Variants in PACSIN1 observed in about 807,000 individuals in gnomAD.
PACSIN1 encodes protein kinase C and casein kinase substrate in neurons protein 1.
A neutral mutation model predicts 59.5 loss-of-function variants in PACSIN1; 15 were observed. The observed-to-expected ratio is 0.25, with a 90% CI of 0.17 to 0.39. PACSIN1 has a LOEUF of 0.39. PACSIN1 is among the 10% of genes least tolerant of loss of function. The pLI, the probability that PACSIN1 is intolerant of heterozygous loss-of-function variation, is 1.00. For missense variants in PACSIN1, 420 were observed against 580.2 expected (o/e 0.72, Z 2.84); for synonymous variants, 210 against 220.6 (o/e 0.95, Z 0.42).
intron 1 of PACSIN1, among the ~76,000 whole-genome samples, chr6:34,511,563 CT>C (rs2127264005): frequency 6.6e-6 from 1 of 152,328 alleles, no homozygotes; most frequent in East Asian, 1.9e-4. Context: ...CTCCGGGTGC[CT>C]GCCAGGGCCA....
intron 1 of PACSIN1, among the ~76,000 whole-genome samples, chr6:34,498,561 G>A (rs1245940980): frequency 6.6e-6 from 1 of 152,040 alleles, no homozygotes; most frequent in Non-Finnish European, 1.5e-5. Context: ...ACTTTGGGAG[G>A]CCGAGGCAGG....
Position 34,526,239 on chromosome 6 carries a change from C to A in PACSIN1, c.-63-4C>A. On this transcript the variant is annotated splice_polypyrimidine_tract_variant and splice_region_variant and intron_variant, in intron 1 of 9. Transcript: ENST00000244458. ...CTCCAGGGATCTCTCTCCTGCCCTC[C>A]CAGTGCATGAGCAGCCGAGCCTGCT... 1 of 1,340,338 alleles carries A rather than the reference C, an allele frequency of 7.5e-7. No homozygotes were observed. Among genetic ancestry groups the A allele is most frequent in the Non-Finnish European group, 1.1e-6 (1 of 939,662 alleles). The allele number at this position is 1,340,338 out of a possible 1,614,324, so 83.0% of individuals were successfully genotyped here. A position where few individuals can be genotyped will look rare whatever the true frequency, so the allele number is the denominator to read the frequency against.
chr6:34,478,257 C>A (rs1343442514), intron 1 of PACSIN1, among the ~76,000 whole-genome samples: 5 of 150,392 alleles, frequency 3.3e-5, no homozygotes, highest in Admixed American at 1.3e-4. Flanking sequence ...GATGGGGTTT[C>A]ATTATGTTGG....
intron 1 of PACSIN1, among the ~76,000 whole-genome samples, chr6:34,478,752 A>G (rs1481579986): frequency 6.6e-6 from 1 of 152,232 alleles, no homozygotes; most frequent in African/African-American, 2.4e-5. Flanking sequence ...CTTTTTAAAA[A>G]TATAAACATA....
rs550279397 is a variant in PACSIN1 at position 34,486,894 on chromosome 6, T to A, written c.-64+20624T>A. Among the ~76,000 whole-genome samples, 775 of 151,598 alleles carry A rather than the reference T, an allele frequency of 5.1e-3. 5 individuals are homozygous for A. Among genetic ancestry groups the A allele is most frequent in the African/African-American group, 0.017 (684 of 41,208 alleles). On this transcript the variant is annotated intron_variant, in intron 1 of 9. Transcript: ENST00000244458. ...TTTTAAATTGAGATATAGTTGGGTG[T>A]GGTGGCTCACGCCTATAATCCCAGC...
rs144535939 is a variant in PACSIN1, at chr6:34,507,408, G to T, written c.-63-18835G>T. Among the ~76,000 whole-genome samples, 16 of 152,244 alleles carry T rather than the reference G, an allele frequency of 1.1e-4. No individual in the cohort carries two copies. In the East Asian group the frequency reaches 3.1e-3, roughly 29 times the overall value. ...GTTTTAGCAGGAGGAATGGGGAGAAGTGTGTATACTCCATCTTGTTCAGAA... is the reference window on the plus strand; with the variant it reads ...GTTTTAGCAGGAGGAATGGGGAGAATTGTGTATACTCCATCTTGTTCAGAA... On this transcript the variant is annotated intron_variant, in intron 1 of 9. Coordinates refer to ENST00000244458, the MANE Select transcript of PACSIN1 (RefSeq NM_020804.5).
intron 1 of PACSIN1, among the ~76,000 whole-genome samples, chr6:34,512,081 CTGTG>C (rs963381371): frequency 9.2e-4 from 139 of 151,164 alleles, no homozygotes; most frequent in African/African-American, 3.0e-3. Context: ...ATGTGTGTGC[CTGTG>C]TGTGTGTGTA....
At position 34,518,269 on chromosome 6, in the gene PACSIN1, A is replaced by G. The variant is rs1023161907; in HGVS notation, c.-63-7974A>G. ...TTGCAAAAACGTGCTGCGCACTCCC[A>G]CCAGGAGTGTTGCCCACAGAGGAGG... On this transcript the variant is annotated intron_variant, in intron 1 of 9. Transcript: ENST00000244458. This position sits in a 1 kb window ranked among gnomAD's most constrained non-coding sequence, Gnocchi z 4.4. Among the ~76,000 whole-genome samples the G allele has an allele frequency of 3.3e-5, 5 of 152,192 alleles. No homozygotes were observed. The highest frequency in any genetic ancestry group is 2.0e-4 in the Admixed American group (3 of 15,286).
At chr6:34,487,971 GT>G (rs1766820909) in intron 1 of PACSIN1, among the ~76,000 whole-genome samples, 1 of 152,152 alleles carries the variant, frequency 6.6e-6, no homozygotes, top group African/African-American at 2.4e-5. Flanking sequence ...CAGGGTCCTG[GT>G]TGGTCTCTTT....
At chr6:34,499,777 C>T (rs1001888333) in intron 1 of PACSIN1, among the ~76,000 whole-genome samples, 5 of 150,990 alleles carry the variant, frequency 3.3e-5, no homozygotes, top group African/African-American at 1.2e-4. Flanking sequence ...GCCTGGGCGA[C>T]ACAGTGAAAC....
At chr6:34,506,613 G>T (rs1453338298) in intron 1 of PACSIN1, among the ~76,000 whole-genome samples, 1 of 152,166 alleles carries the variant, frequency 6.6e-6, no homozygotes, top group African/African-American at 2.4e-5. Flanking sequence ...CTTTAACCCT[G>T]GGCCTTATTA....
Position 34,476,665 on chromosome 6 carries a change from G to A in PACSIN1, c.-64+10395G>A, listed in dbSNP as rs557545094. ...CCTTGTCATTGGCCCTGACAGCTGGGTGGGCCTTTCTGCCAGCCCCAGCAT... is the reference window on the plus strand; with the variant it reads ...CCTTGTCATTGGCCCTGACAGCTGGATGGGCCTTTCTGCCAGCCCCAGCAT... On this transcript the variant is annotated intron_variant, in intron 1 of 9. Coordinates refer to ENST00000244458, the MANE Select transcript of PACSIN1 (RefSeq NM_020804.5). Among the ~76,000 whole-genome samples the A allele has an allele frequency of 1.3e-4, 20 of 152,320 alleles. No individual in the cohort carries two copies. The East Asian group carries it at 3.9e-3, about 29-fold the overall frequency.
intron 1 of PACSIN1, among the ~76,000 whole-genome samples, chr6:34,467,403 C>A (rs7773610): frequency 0.3 from 44,980 of 151,886 alleles, 7,635 homozygotes; most frequent in African/African-American, 0.47. Context: ...TTGTGGAATG[C>A]ATGACTTATT....
At chr6:34,486,272 A>G (rs1282847680) in intron 1 of PACSIN1, among the ~76,000 whole-genome samples, 1 of 152,016 alleles carries the variant, frequency 6.6e-6, no homozygotes, top group Admixed American at 6.5e-5. Context: ...TTCTCAGAGC[A>G]CAGCTGTCAG....
Position 34,528,762 on chromosome 6 carries a change from A to G in PACSIN1, c.341A>G (p.Lys114Arg). ...NLLNEDLEKV[K>R]NWQKDAYHKQ... ...CTGAATGAGGACCTGGAGAAGGTGA[A>G]GAACTGGCAGAAGGACGCCTATCAC... The change falls in exon 4 of 10, where the codon AAG (lysine) becomes AGG (arginine). Residue 114 changes from lysine to arginine, a missense_variant. Coordinates refer to ENST00000244458, the MANE Select transcript of PACSIN1 (RefSeq NM_020804.5). 6.2e-7 allele frequency: 1 copy of G among 1,614,098 alleles called. No individual in the cohort carries two copies. Among genetic ancestry groups the G allele is most frequent in the Non-Finnish European group, 8.5e-7 (1 of 1,180,016 alleles).
Position 34,521,617 on chromosome 6 carries a change from G to C in PACSIN1, c.-63-4626G>C, listed in dbSNP as rs183383999. ...GCACCCCCCAGTCTGCACTTCACAG[G>C]CTGCATCATCCTCATGGACAAGAAA... On this transcript the variant is annotated intron_variant, in intron 1 of 9. Transcript: ENST00000244458. This position sits in a 1 kb window ranked among gnomAD's most constrained non-coding sequence, Gnocchi z 4.3. Among the ~76,000 whole-genome samples, 27 of 152,272 alleles carry C rather than the reference G, an allele frequency of 1.8e-4. No individual in the cohort carries two copies. Among genetic ancestry groups the C allele is most frequent in the Non-Finnish European group, 3.1e-4 (21 of 68,016 alleles).
rs1270023601 is a variant in PACSIN1 at position 34,531,556 on chromosome 6, G to T, written c.1038-44G>T. On this transcript the variant is annotated intron_variant, in intron 8 of 9. Coordinates refer to ENST00000244458, the MANE Select transcript of PACSIN1 (RefSeq NM_020804.5). The surrounding 1 kb of genome is among the most constrained non-coding windows in gnomAD (Gnocchi z 4.4). ...GAGGAGCGGTTAGCCCTCGGGATGC[G>T]GTACGGGGAGACATTGAAGCTGGCT... 1 of 1,592,296 alleles carries T rather than the reference G, an allele frequency of 6.3e-7. No homozygotes were observed. The highest frequency in any genetic ancestry group is 8.6e-7 in the Non-Finnish European group (1 of 1,164,408).
chr6:34,517,189 C>T (rs771348978), intron 1 of PACSIN1, among the ~76,000 whole-genome samples: 4 of 152,198 alleles, frequency 2.6e-5, no homozygotes, highest in African/African-American at 4.8e-5. Flanking sequence ...TCCAAACCAT[C>T]GGCAGATCCT....
chr6:34,492,290 C>A (rs1437373422), intron 1 of PACSIN1, among the ~76,000 whole-genome samples: 2 of 150,882 alleles, frequency 1.3e-5, no homozygotes, highest in African/African-American at 4.9e-5. Context: ...CAACCTCTGC[C>A]TCCTGCCTCT....
Sources: gnomAD v4.1 joint callset for allele counts (sites outside exome capture counted in the v4.1 genomes callset) on GRCh38, gnomAD v4.1.1 for gene constraint, Gnocchi (gnomAD v3.1) non-coding constraint, MANE v1.5 for transcripts, NCBI Gene and HGNC (gene_info 2026-07-23, HGNC 2026-07-21) for gene names.